The following SYNE1 variants were observed in gnomAD, a reference collection of about 807,000 sequenced individuals.
SYNE1 encodes the protein nesprin-1.
In SYNE1, 616 loss-of-function variants were observed where a neutral mutation model predicts 1,111.0. The observed-to-expected ratio is 0.55, with a 90% CI of 0.52 to 0.59. SYNE1 has a LOEUF of 0.59. Ranked by LOEUF, SYNE1 falls within the 20% of genes least tolerant of loss-of-function variation. The pLI, the probability that SYNE1 is intolerant of heterozygous loss-of-function variation, is 0.00. For synonymous variants in SYNE1, 3,855 were observed against 3,825.8 expected, an observed-to-expected ratio of 1.01 and a Z score of -0.28; for missense variants, 10,006 against 10,417.0, an observed-to-expected ratio of 0.96 and a Z score of 1.72.
At chr6:152,250,877 T>C (rs1186706004) in intron 104 of SYNE1, among the ~76,000 whole-genome samples, 1 of 152,230 alleles carries the variant, frequency 6.6e-6, no homozygotes, top group Non-Finnish European at 1.5e-5. Flanking sequence ...AATGAGTAGC[T>C]AAGTATATAT....
intron 3 of SYNE1, among the ~76,000 whole-genome samples, chr6:152,577,690 G>A (rs576171995): frequency 2.4e-3 from 370 of 151,970 alleles, no homozygotes; most frequent in African/African-American, 8.1e-3. Context: ...AAACTCTGGT[G>A]ATTTTCCAGA....
chr6:152,326,736 C>A, intron 78 of SYNE1, 103 bp from the exon 79 acceptor site: 1 of 1,096,898 alleles, frequency 9.1e-7, no homozygotes, highest in Non-Finnish European at 1.3e-6. Context: ...GTCTCATGGG[C>A]GTATGTGTGT....
At chr6:152,510,098 G>A (rs1245435667) in intron 8 of SYNE1, 95 bp downstream of exon 8, 7 of 1,269,680 alleles carry the variant, frequency 5.5e-6, no homozygotes, top group African/African-American at 1.5e-5. Flanking sequence ...TCATTCAAAT[G>A]TCTCTTCACA....
chr6:152,490,049 A>G lies in SYNE1; in HGVS notation c.940-1546T>C, dbSNP rs150703913. Among the ~76,000 whole-genome samples, 243 of 152,336 alleles carry G rather than the reference A, an allele frequency of 1.6e-3. 3 individuals are homozygous for G. Among genetic ancestry groups the G allele is most frequent in the African/African-American group, 5.5e-3 (228 of 41,580 alleles). ...TCAGCCCTCTGTTTTCTTAGATTCA[A>G]TCAATAGCAGATTGAAAATATTCAG... On this transcript the variant is annotated intron_variant, in intron 11 of 145. Transcript: ENST00000367255.
intron 93 of SYNE1, among the ~76,000 whole-genome samples, chr6:152,296,404 A>T (rs2094883943): frequency 6.6e-6 from 1 of 152,218 alleles, no homozygotes; most frequent in African/African-American, 2.4e-5. Flanking sequence ...AACATTTCCA[A>T]AAGGAACCAA....
intron 98 of SYNE1, among the ~76,000 whole-genome samples, chr6:152,273,335 T>C (rs1380195279): frequency 6.6e-6 from 1 of 152,252 alleles, no homozygotes; most frequent in Non-Finnish European, 1.5e-5. Flanking sequence ...AAACAGTTGG[T>C]TATTGTTATT....
intron 58 of SYNE1, among the ~76,000 whole-genome samples, chr6:152,375,569 G>A (rs1249261404): frequency 6.6e-6 from 1 of 152,000 alleles, no homozygotes; most frequent in Non-Finnish European, 1.5e-5. Flanking sequence ...GCACCATGAA[G>A]TTACAGTTAG....
At chr6:152,378,210 A>G (rs2097331381) in intron 56 of SYNE1, among the ~76,000 whole-genome samples, 2 of 152,226 alleles carry the variant, frequency 1.3e-5, no homozygotes, top group South Asian at 4.1e-4. Context: ...ACTGAAGCAA[A>G]AAAACAAAAT....
Position 152,122,540 on chromosome 6 carries a change from G to C in SYNE1, c.26290C>G (p.Leu8764Val), listed in dbSNP as rs1419899673. The change falls in exon 146 of 146, where the codon CTT (leucine) becomes GTT (valine). Residue 8764 changes from leucine (L) to valine (V), a missense_variant. By Grantham distance (32) the Leu-to-Val change is conservative (BLOSUM62 1). Around this residue, in one of 7 missense-constraint regions of SYNE1, gnomAD observed 761 missense variants for 795.5 expected, o/e 0.96. Coordinates refer to ENST00000367255, the MANE Select transcript of SYNE1 (RefSeq NM_182961.4). The stretch of plus-strand genomic sequence containing the variant: ...TAGTCTTCCTCTGACATTGGTACAA[G>C]GCAGGCAAGCCCGATGAGGAGGAGC... Reference protein sequence around the residue: ...LLLLLIGLACLVPMSEEDYSC... With the variant: ...LLLLLIGLACVVPMSEEDYSC... The C allele has an allele frequency of 6.2e-7, 1 of 1,614,112 alleles. No individual in the cohort carries two copies.
At chr6:152,571,794 T>C (rs2099460896) in intron 3 of SYNE1, among the ~76,000 whole-genome samples, 1 of 152,232 alleles carries the variant, frequency 6.6e-6, no homozygotes, top group African/African-American at 2.4e-5. Flanking sequence ...GTGTATTTTC[T>C]TAAATAATTT....
At chr6:152,211,439 G>C in intron 124 of SYNE1, 55 bp downstream of exon 124, 1 of 1,494,654 alleles carries the variant, frequency 6.7e-7, no homozygotes, top group Admixed American at 1.7e-5. Flanking sequence ...TCATTAAAAA[G>C]AAAATGACTA....
rs952109899 is a variant in SYNE1, at chr6:152,363,517, A to C, written c.10146-1194T>G. 5.5e-3 allele frequency among the ~76,000 whole-genome samples: 822 copies of C among 148,748 alleles called. 9 individuals carry two copies. Among genetic ancestry groups the C allele is most frequent in the African/African-American group, 0.019 (794 of 40,946 alleles). On this transcript the variant is annotated intron_variant, in intron 63 of 145. Coordinates refer to ENST00000367255, the MANE Select transcript of SYNE1 (RefSeq NM_182961.4). ...TCAAACTAAATAAATAAATAAATAA[A>C]TAAATAAATAAATAAATAAATAAAT...
intron 128 of SYNE1, among the ~76,000 whole-genome samples, chr6:152,185,865 C>T (rs1398275508): frequency 2.0e-5 from 3 of 152,170 alleles, no homozygotes; most frequent in Non-Finnish European, 4.4e-5. Context: ...AATTCCATGG[C>T]ATTTTTATAC....
At chr6:152,523,378 A>G (rs1414158123) in intron 5 of SYNE1, among the ~76,000 whole-genome samples, 1 of 152,014 alleles carries the variant, frequency 6.6e-6, no homozygotes, top group Non-Finnish European at 1.5e-5. Context: ...ATTTGGCTTT[A>G]TTTCTGAGTT....
At chr6:152,153,374 C>T (rs1357981472) in intron 133 of SYNE1, among the ~76,000 whole-genome samples, 2 of 152,130 alleles carry the variant, frequency 1.3e-5, no homozygotes, top group Non-Finnish European at 1.5e-5. Flanking sequence ...AACGTTCATG[C>T]GATTGGACCA....
At chr6:152,427,880 TGTGAAGTTG>T (rs1473604081) in intron 37 of SYNE1, 64 bp from the exon 38 acceptor site, 172 of 1,610,154 alleles carry the variant, frequency 1.1e-4, no homozygotes, top group Non-Finnish European at 1.4e-4. Flanking sequence ...ATTAAACCTT[TGTGAAGTTG>T]GAGGGTCCAA....
intron 121 of SYNE1, among the ~76,000 whole-genome samples, 194 bp downstream of exon 121, chr6:152,218,063 C>T (rs370493481): frequency 3.6e-4 from 55 of 151,928 alleles, no homozygotes; most frequent in African/African-American, 1.1e-3. Flanking sequence ...GGAGTGGTGG[C>T]GTGCCCCTAT....
At chr6:152,149,925 C>T (rs2060123197) in intron 135 of SYNE1, among the ~76,000 whole-genome samples, 1 of 152,182 alleles carries the variant, frequency 6.6e-6, no homozygotes, top group African/African-American at 2.4e-5. Flanking sequence ...AATTTACCAT[C>T]ACAGGTAGTG....
Position 152,401,192 on chromosome 6 carries a change from T to C in SYNE1, c.6975A>G (p.Glu2325=), listed in dbSNP as rs758413774. The C allele has an allele frequency of 4.3e-6, 7 of 1,614,060 alleles. No homozygotes were observed. The Admixed American group carries it at 8.3e-5, about 19-fold the overall frequency. The change falls in exon 47 of 146, where the codon GAA becomes GAG. Residue 2325 remains glutamate (E), a synonymous_variant. Coordinates refer to ENST00000367255, the MANE Select transcript of SYNE1 (RefSeq NM_182961.4). The part of the protein sequence containing the change: ...DITTWFTKVE[E]SLMNCAQNET... ...CATTTTGGGCACAGTTCATCAACGA[T>C]TCTTCCACTTTTGTGAACCATGTTG...
Sources: allele counts gnomAD v4.1 joint callset (sites outside exome capture counted in the v4.1 genomes callset), GRCh38; gene constraint gnomAD v4.1.1; regional missense constraint gnomAD v4.1.1; transcripts MANE v1.5; gene names NCBI Gene and HGNC (gene_info 2026-07-23, HGNC 2026-07-21).